Variants in ARAP1 observed in about 807,000 individuals in gnomAD.
The protein encoded by ARAP1 is arf-GAP with Rho-GAP domain, ANK repeat and PH domain-containing protein 1.
Under a neutral mutation model 172.2 loss-of-function variants are expected in ARAP1, and 76 were observed. That is an observed-to-expected ratio of 0.44 (90% CI 0.37 to 0.53). The LOEUF (loss-of-function observed/expected upper bound fraction) is 0.53, where lower values mean the gene tolerates loss of function less well. ARAP1 is among the 20% of genes least tolerant of loss of function. The probability of loss-of-function intolerance (pLI) is 0.00; values close to 1 mark genes in which losing one functional copy is unlikely to be tolerated. For synonymous variants in ARAP1, 804 were observed against 803.3 expected, an observed-to-expected ratio of 1.00 and a Z score of -0.01; for missense variants, 1,686 against 1,977.5, an observed-to-expected ratio of 0.85 and a Z score of 2.80.
At position 72,705,699 on chromosome 11, in the gene ARAP1, G is replaced by T. The variant is rs1856727477; in HGVS notation, c.1809+106C>A. ...AGATTATCACAAAGGGTCTCTTCCA[G>T]CTCCAAGGTGCTGTGGTCACTGAGA... is the stretch of plus-strand genomic sequence containing the variant. On this transcript the variant is annotated intron_variant, in intron 13 of 34. Coordinates refer to ENST00000393609, the MANE Select transcript of ARAP1 (RefSeq NM_001040118.3). 4.1e-6 allele frequency: 5 copies of T among 1,226,784 alleles called. No individual in the cohort carries two copies. The East Asian group carries it at 1.0e-4, about 26-fold the overall frequency. The allele number at this position is 1,226,784 out of a possible 1,614,324, so 76.0% of individuals were successfully genotyped here. A position where few individuals can be genotyped will look rare whatever the true frequency, so the allele number is the denominator to read the frequency against.
At chr11:72,738,594 C>G (rs1858106805) in intron 1 of ARAP1, among the ~76,000 whole-genome samples, 2 of 152,088 alleles carry the variant, frequency 1.3e-5, no homozygotes, top group South Asian at 4.1e-4. Flanking sequence ...CAGCCTCATC[C>G]CCTACCCTGG....
At chr11:72,703,408 C>CGGGAGG (rs1555013435) in intron 14 of ARAP1, 1 of 113,632 alleles carries the variant, frequency 8.8e-6, no homozygotes, top group African/African-American at 3.6e-5. Flanking sequence ...GTGGAGGAGC[C>CGGGAGG]GGGGGGGGGG....
At chr11:72,719,490 G>A (rs911864461) in intron 3 of ARAP1, among the ~76,000 whole-genome samples, 11 of 152,114 alleles carry the variant, frequency 7.2e-5, no homozygotes, top group African/African-American at 2.2e-4. Context: ...CTTCCTCTCC[G>A]AGCCTCAGTC....
intron 3 of ARAP1, chr11:72,722,490 G>T: frequency 2.6e-6 from 1 of 390,138 alleles, no homozygotes; most frequent in Non-Finnish European, 3.5e-6. Context: ...AGGAAGTCCT[G>T]ACTGACAAGC....
In ARAP1 at chr11:72,693,515, C is replaced by T. The variant is rs745778288; in HGVS notation, c.3809-45G>A. On this transcript the variant is annotated intron_variant, in intron 28 of 34. Coordinates refer to ENST00000393609, the MANE Select transcript of ARAP1 (RefSeq NM_001040118.3). This position sits in a 1 kb window ranked among gnomAD's most constrained non-coding sequence, Gnocchi z 4.6. Reference sequence around the variant, plus strand: ...TGGGCACAGGCTGCACCAACCCCTACCCGGGGCTGGGTCCCAGGATGAAGG... The same window carrying T: ...TGGGCACAGGCTGCACCAACCCCTATCCGGGGCTGGGTCCCAGGATGAAGG... The T allele has an allele frequency of 1.3e-6, 2 of 1,588,422 alleles. No homozygotes were observed. Among genetic ancestry groups the T allele is most frequent in the Non-Finnish European group, 1.7e-6 (2 of 1,163,934 alleles).
Position 72,695,247 on chromosome 11 carries a change from G to T in ARAP1, c.3576+140C>A. 2 of 1,338,428 alleles carry T rather than the reference G, an allele frequency of 1.5e-6. No homozygotes were observed. The highest frequency in any genetic ancestry group is 2.1e-6 in the Non-Finnish European group (2 of 951,286). 82.9% of individuals were successfully genotyped at this position (1,338,428 alleles called of 1,614,324 possible). ...GGGTATTTCTGAGTGGTCCTTAGGAGCAGACCCCAGCACCAGCCAGATACA... is the reference window on the plus strand; with the variant it reads ...GGGTATTTCTGAGTGGTCCTTAGGATCAGACCCCAGCACCAGCCAGATACA... On this transcript the variant is annotated intron_variant, in intron 26 of 34. Coordinates refer to ENST00000393609, the MANE Select transcript of ARAP1 (RefSeq NM_001040118.3). The surrounding 1 kb of genome is among the most constrained non-coding windows in gnomAD (Gnocchi z 4.4).
intron 3 of ARAP1, among the ~76,000 whole-genome samples, chr11:72,718,832 T>C (rs1337938767): frequency 3.9e-5 from 6 of 152,196 alleles, no homozygotes; most frequent in African/African-American, 1.4e-4. Context: ...GTGCAGCTTG[T>C]GCAGAAGTTG....
At chr11:72,705,183 A>G (rs1311168785) in intron 13 of ARAP1, 2 of 152,402 alleles carry the variant, frequency 1.3e-5, no homozygotes, top group South Asian at 2.1e-4. Context: ...TATCTACCAC[A>G]TATGGGTACC....
chr11:72,712,206 G>A lies in ARAP1; in HGVS notation c.1012C>T (p.Pro338Ser). 2.5e-6 allele frequency: 4 copies of A among 1,603,484 alleles called. No individual in the cohort carries two copies. The highest frequency in any genetic ancestry group is 3.4e-6 in the Non-Finnish European group (4 of 1,176,702). Reference sequence around the variant, plus strand: ...AGAGGCCTCACTCACCCCTGCGGTGGGTTCTTGTCCAGCCAGCCAGCCTTG... The same window carrying A: ...AGAGGCCTCACTCACCCCTGCGGTGAGTTCTTGTCCAGCCAGCCAGCCTTG... Reference protein sequence around the residue: ...VIKAGWLDKNPPQGSYIYQKR... With the variant: ...VIKAGWLDKNSPQGSYIYQKR... Residue 338 changes from proline to serine, a missense_variant, in exon 7 of 35, where the codon CCA becomes TCA. Pro to Ser is a moderately conservative substitution (Grantham distance 74). Coordinates refer to ENST00000393609, the MANE Select transcript of ARAP1 (RefSeq NM_001040118.3).
intron 12 of ARAP1, 24 bp downstream of exon 12, chr11:72,707,151 G>A (rs751194709): frequency 6.5e-7 from 1 of 1,531,484 alleles, no homozygotes; most frequent in South Asian, 1.2e-5. Flanking sequence ...CCTCTGCCTG[G>A]TGCCCCGACC....
intron 1 of ARAP1, among the ~76,000 whole-genome samples, chr11:72,734,736 A>C (rs539955578): frequency 2.6e-5 from 4 of 152,148 alleles, no homozygotes; most frequent in Non-Finnish European, 5.9e-5. Context: ...TGTGCTGTCC[A>C]ATAGCAGCCA....
In ARAP1 at chr11:72,710,093, G is replaced by A. The variant is rs1011630861; in HGVS notation, c.1417-117C>T. On this transcript the variant is annotated intron_variant, in intron 10 of 34. Transcript: ENST00000393609. This position sits in a 1 kb window ranked among gnomAD's most constrained non-coding sequence, Gnocchi z 4.3. ...AGGGACTGGGGGGGGTGCCCAGGAG[G>A]GAGACAGCAGGGGACATGGGAGGCT... The A allele has an allele frequency of 6.8e-5, 64 of 936,300 alleles. 1 individual carries two copies. Among genetic ancestry groups the A allele is most frequent in the Middle Eastern group, 5.0e-4 (2 of 3,966 alleles). The allele number at this position is 936,300 out of a possible 1,614,324, so 58.0% of individuals were successfully genotyped here.
rs2094055974 is a variant in ARAP1, at chr11:72,695,376, C to T, written c.3576+11G>A. 9 of 1,614,148 alleles carry T rather than the reference C, an allele frequency of 5.6e-6. No homozygotes were observed. Among genetic ancestry groups the T allele is most frequent in the Non-Finnish European group, 6.8e-6 (8 of 1,180,026 alleles). ...TCTCTAGCCCCTTGGCTTCTAGGTCCCAGCACCTACCTTGATATGCTGCTC... is the reference window on the plus strand; with the variant it reads ...TCTCTAGCCCCTTGGCTTCTAGGTCTCAGCACCTACCTTGATATGCTGCTC... On this transcript the variant is annotated intron_variant, in intron 26 of 34. Coordinates refer to ENST00000393609, the MANE Select transcript of ARAP1 (RefSeq NM_001040118.3). The surrounding 1 kb of genome is among the most constrained non-coding windows in gnomAD (Gnocchi z 4.4).
chr11:72,694,724 C>T (rs896097074), intron 27 of ARAP1, among the ~76,000 whole-genome samples: 1 of 152,096 alleles, frequency 6.6e-6, no homozygotes, highest in African/African-American at 2.4e-5. Context: ...TCAAGACCAC[C>T]TTTACCATAA....
In ARAP1 at chr11:72,711,464, T is replaced by C. The variant is rs775846843; in HGVS notation, c.1058A>G (p.Asp353Gly). 6.2e-7 allele frequency: 1 copy of C among 1,613,164 alleles called. No individual in the cohort carries two copies. The highest frequency in any genetic ancestry group is 8.5e-7 in the Non-Finnish European group (1 of 1,179,234). The change falls in exon 8 of 35, where the codon GAT becomes GGT. Residue 353 changes from aspartate to glycine, a missense_variant. By Grantham distance (94) the Asp-to-Gly change is moderately conservative (BLOSUM62 -1). Coordinates refer to ENST00000393609, the MANE Select transcript of ARAP1 (RefSeq NM_001040118.3). ...YIYQKRWVRL[D>G]TDHLRYFDSN... Reference sequence around the variant, plus strand: ...GTCAAAGTATCGCAGGTGATCAGTATCCAGTCTCACCCATCGTTTCTGATA... The same window carrying C: ...GTCAAAGTATCGCAGGTGATCAGTACCCAGTCTCACCCATCGTTTCTGATA...
intron 1 of ARAP1, among the ~76,000 whole-genome samples, chr11:72,748,482 C>T (rs1401798872): frequency 1.3e-5 from 2 of 151,220 alleles, no homozygotes; most frequent in African/African-American, 2.4e-5. Flanking sequence ...ATCATGCCAC[C>T]ACACTTGAGC....
At position 72,697,156 on chromosome 11, in the gene ARAP1, G is replaced by A. The variant is rs763897404; in HGVS notation, c.2993C>T (p.Thr998Ile). Residue 998 changes from threonine (T) to isoleucine (I), a missense_variant, in exon 22 of 35, where the codon ACA (threonine) becomes ATA (isoleucine). Thr to Ile is a moderately conservative substitution (Grantham distance 89). This residue lies in a region of ARAP1 where 274 missense variants were observed against 262.7 expected (regional missense o/e 1.04). Transcript: ENST00000393609. ...CTCCAGCAGCCGCTGTGTCTTCGAT[G>A]TCTGCCCACACTTGCGGTAGATGCC... ...SEGIYRKCGQTSKTQRLLESL... is the reference protein window; with the variant it reads ...SEGIYRKCGQISKTQRLLESL... 3 of 1,604,442 alleles carry A rather than the reference G, an allele frequency of 1.9e-6. No homozygotes were observed. Among genetic ancestry groups the A allele is most frequent in the South Asian group, 2.2e-5 (2 of 91,090 alleles).
chr11:72,686,913 A>G (rs527493252), intron 33 of ARAP1, among the ~76,000 whole-genome samples: 184 of 152,114 alleles, frequency 1.2e-3, no homozygotes, highest in Non-Finnish European at 3.4e-4. Context: ...GGCGTGACCT[A>G]CAAGCCTCTT....
chr11:72,694,774 ATCT>A lies in ARAP1; in HGVS notation c.3694+203_3694+205del, dbSNP rs1315135709. On this transcript the variant is annotated intron_variant, in intron 27 of 34. Coordinates refer to ENST00000393609, the MANE Select transcript of ARAP1 (RefSeq NM_001040118.3). ...CTCAACCATCACCACTGTCACTGAC[ATCT>A]TCTATCAGCCACATGACAGCCATAA... 3.3e-5 allele frequency among the ~76,000 whole-genome samples: 5 copies of A among 152,316 alleles called. No individual in the cohort carries two copies. The East Asian group carries it at 9.6e-4, about 29-fold the overall frequency.
Sources: allele counts gnomAD v4.1 joint callset (sites outside exome capture counted in the v4.1 genomes callset), GRCh38; gene constraint gnomAD v4.1.1; regional missense constraint gnomAD v4.1.1; non-coding constraint Gnocchi (gnomAD v3.1); transcripts MANE v1.5; gene names NCBI Gene and HGNC (gene_info 2026-07-23, HGNC 2026-07-21).